PEA15: variants seen among roughly 807,000 people sequenced by gnomAD.
PEA15 encodes the protein astrocytic phosphoprotein PEA-15.
For synonymous variants in PEA15, 60 were observed against 61.8 expected, an observed-to-expected ratio of 0.97 and a Z score of 0.13; for missense variants, 77 against 161.3, an observed-to-expected ratio of 0.48 and a Z score of 2.83.
chr1:160,208,318 G>A lies in PEA15; in HGVS notation c.-3+2796G>A. Reference sequence around the variant, plus strand: ...GACCTTTGTCAGGGCTGTGCCTGGGGCCAGCTTGGAAGGAGAGGGAGGCAG... The same window carrying A: ...GACCTTTGTCAGGGCTGTGCCTGGGACCAGCTTGGAAGGAGAGGGAGGCAG... On this transcript the variant is annotated intron_variant, in intron 1 of 3. Coordinates refer to ENST00000360472, the MANE Select transcript of PEA15 (RefSeq NM_003768.5). The surrounding 1 kb of genome is among the most constrained non-coding windows in gnomAD (Gnocchi z 4.1). 2.2e-6 allele frequency: 1 copy of A among 447,786 alleles called. No homozygotes were observed. The highest frequency in any genetic ancestry group is 4.1e-6 in the Non-Finnish European group (1 of 242,918). 27.7% of individuals were successfully genotyped at this position (447,786 alleles called of 1,614,324 possible). A position where few individuals can be genotyped will look rare whatever the true frequency, so the allele number is the denominator to read the frequency against.
Position 160,213,231 on chromosome 1 carries a change from G to A in PEA15, c.294G>A (p.Lys98=), listed in dbSNP as rs776639242. 1.9e-6 allele frequency: 3 copies of A among 1,614,238 alleles called. No individual in the cohort carries two copies. The highest frequency in any genetic ancestry group is 4.5e-5 in the East Asian group (2 of 44,890). The change falls in exon 3 of 4, where the codon AAG becomes AAA. Residue 98 remains lysine (K), a synonymous_variant. Transcript: ENST00000360472. This position sits in a 1 kb window ranked among gnomAD's most constrained non-coding sequence, Gnocchi z 5.3. The part of the protein sequence containing the change: ...KISEEDELDT[K]LTRIPSAKKY... ...CTGAGGAGGATGAGCTGGACACCAAGCTAACCCGTATCCCCAGTGCCAAGA... is the reference window on the plus strand; with the variant it reads ...CTGAGGAGGATGAGCTGGACACCAAACTAACCCGTATCCCCAGTGCCAAGA...
At chr1:160,209,304 G>A (rs1654746786) in intron 1 of PEA15, among the ~76,000 whole-genome samples, 1 of 152,036 alleles carries the variant, frequency 6.6e-6, no homozygotes. Context: ...TAAGATCCGA[G>A]CACACACACA....
At chr1:160,210,823 G>A (rs1287422160) in intron 1 of PEA15, among the ~76,000 whole-genome samples, 1 of 152,198 alleles carries the variant, frequency 6.6e-6, no homozygotes, top group African/African-American at 2.4e-5. Context: ...AGCTGAGTGG[G>A]GGCCTGGTAA....
At chr1:160,212,452 G>C (rs1654915973) in intron 2 of PEA15, among the ~76,000 whole-genome samples, 3 of 152,036 alleles carry the variant, frequency 2.0e-5, no homozygotes, top group South Asian at 2.1e-4. Flanking sequence ...TGAACTCAGG[G>C]CCCTTCAGAT....
rs1375248093 is a variant in PEA15, at chr1:160,208,132, C to T, written c.-3+2610C>T. Reference sequence around the variant, plus strand: ...AATTCTTTTGGTGCTGCCACCTCCTCCACAGGTGGTTATCCCAATTGCCAG... The same window carrying T: ...AATTCTTTTGGTGCTGCCACCTCCTTCACAGGTGGTTATCCCAATTGCCAG... On this transcript the variant is annotated intron_variant, in intron 1 of 3. Coordinates refer to ENST00000360472, the MANE Select transcript of PEA15 (RefSeq NM_003768.5). The surrounding 1 kb of genome is among the most constrained non-coding windows in gnomAD (Gnocchi z 4.1). The T allele has an allele frequency of 6.4e-6, 1 of 155,128 alleles. No homozygotes were observed. Among genetic ancestry groups the T allele is most frequent in the Admixed American group, 6.5e-5 (1 of 15,486 alleles). 9.6% of individuals were successfully genotyped at this position (155,128 alleles called of 1,614,324 possible).
chr1:160,211,426 T>C (rs936117586), intron 1 of PEA15, 117 bp from the exon 2 acceptor site: 2 of 1,364,894 alleles, frequency 1.5e-6, no homozygotes, highest in African/African-American at 1.5e-5. Flanking sequence ...CCAGCCTCCA[T>C]GTTCCAGGCA....
rs1654914140 is a variant in PEA15, at chr1:160,212,417, C to G, written c.173-693C>G. Reference sequence around the variant, plus strand: ...AAGGTAAGACTGTGTTGTAGAGAGCCTGGGTATTGGATAGGTGAGGTGAGT... The same window carrying G: ...AAGGTAAGACTGTGTTGTAGAGAGCGTGGGTATTGGATAGGTGAGGTGAGT... On this transcript the variant is annotated intron_variant, in intron 2 of 3. Transcript: ENST00000360472. Among the ~76,000 whole-genome samples, 3 of 151,922 alleles carry G rather than the reference C, an allele frequency of 2.0e-5. 1 individual carries two copies. Among genetic ancestry groups the G allele is most frequent in the African/African-American group, 7.3e-5 (3 of 41,294 alleles).
At position 160,208,505 on chromosome 1, in the gene PEA15, C is replaced by A; in HGVS notation, c.-3+2983C>A. 2 of 1,103,344 alleles carry A rather than the reference C, an allele frequency of 1.8e-6. No individual in the cohort carries two copies. The highest frequency in any genetic ancestry group is 2.0e-5 in the Admixed American group (1 of 50,050). 68.3% of individuals were successfully genotyped at this position (1,103,344 alleles called of 1,614,324 possible). ...ACTGCCTGGTGATCCCTGAGCAGCT[C>A]TCTGCACTGCTCCAGAAATCAGGAG... On this transcript the variant is annotated intron_variant, in intron 1 of 3. Coordinates refer to ENST00000360472, the MANE Select transcript of PEA15 (RefSeq NM_003768.5). The surrounding 1 kb of genome is among the most constrained non-coding windows in gnomAD (Gnocchi z 4.1).
chr1:160,209,753 A>G (rs527593026), intron 1 of PEA15, among the ~76,000 whole-genome samples: 56 of 151,126 alleles, frequency 3.7e-4, no homozygotes, highest in African/African-American at 1.1e-3. Flanking sequence ...TCTTATCTCC[A>G]TCTCTAGTCC....
chr1:160,208,791 C>G lies in PEA15; in HGVS notation c.-2-2752C>G. On this transcript the variant is annotated intron_variant, in intron 1 of 3. Coordinates refer to ENST00000360472, the MANE Select transcript of PEA15 (RefSeq NM_003768.5). The surrounding 1 kb of genome is among the most constrained non-coding windows in gnomAD (Gnocchi z 4.1). ...GAAGGGAGGCAACTGGGCTGCCTTT[C>G]CTTGTACCGTCAGGGGGCCTTATTC... The G allele has an allele frequency of 1.3e-6, 1 of 772,070 alleles. No homozygotes were observed. Among genetic ancestry groups the G allele is most frequent in the South Asian group, 1.6e-5 (1 of 63,528 alleles). 47.8% of individuals were successfully genotyped at this position (772,070 alleles called of 1,614,324 possible). A position where few individuals can be genotyped will look rare whatever the true frequency, so the allele number is the denominator to read the frequency against.
Position 160,215,368 on chromosome 1 carries a change from T to G in PEA15, c.*1882T>G, listed in dbSNP as rs1164389086. On this transcript the variant is annotated 3_prime_UTR_variant, in exon 4 of 4. Coordinates refer to ENST00000360472, the MANE Select transcript of PEA15 (RefSeq NM_003768.5). The stretch of plus-strand genomic sequence containing the variant: ...CCGGAATAAAGGTGATTGATTGTAT[T>G]GCAACTAACTGATTTTAAAATTTCT... The G allele has an allele frequency of 6.6e-6, 1 of 152,198 alleles. No individual in the cohort carries two copies. The highest frequency in any genetic ancestry group is 2.4e-5 in the African/African-American group (1 of 41,440). The allele number at this position is 152,198 out of a possible 1,614,324, so 9.4% of individuals were successfully genotyped here. A position where few individuals can be genotyped will look rare whatever the true frequency, so the allele number is the denominator to read the frequency against.
rs1404716572 is a variant in PEA15 at position 160,213,132 on chromosome 1, C to T, written c.195C>T (p.His65=). The part of the protein sequence containing the change: ...LDKDNLSYIE[H]IFEISRRPDL... Reference sequence around the variant, plus strand: ...CAGACAACCTCTCCTACATTGAGCACATCTTTGAGATCTCCCGCCGTCCTG... The same window carrying T: ...CAGACAACCTCTCCTACATTGAGCATATCTTTGAGATCTCCCGCCGTCCTG... Residue 65 remains histidine, a synonymous_variant, in exon 3 of 4, where the codon CAC becomes CAT. Coordinates refer to ENST00000360472, the MANE Select transcript of PEA15 (RefSeq NM_003768.5). The surrounding 1 kb of genome is among the most constrained non-coding windows in gnomAD (Gnocchi z 5.3). 5.0e-6 allele frequency: 8 copies of T among 1,614,156 alleles called. No individual in the cohort carries two copies. Among genetic ancestry groups the T allele is most frequent in the East Asian group, 4.5e-5 (2 of 44,890 alleles).
intron 1 of PEA15, among the ~76,000 whole-genome samples, chr1:160,206,566 A>G (rs1654601802): frequency 6.6e-6 from 1 of 152,108 alleles, no homozygotes; most frequent in African/African-American, 2.4e-5. Flanking sequence ...GGTGGAAGAA[A>G]CGGAGAGGAA....
intron 1 of PEA15, among the ~76,000 whole-genome samples, chr1:160,210,996 G>A (rs1654854561): frequency 6.6e-6 from 1 of 152,186 alleles, no homozygotes; most frequent in Admixed American, 6.5e-5. Context: ...GGGGTGGTGG[G>A]GAGTTGAAGT....
intron 2 of PEA15, among the ~76,000 whole-genome samples, chr1:160,212,615 C>T (rs1363247729): frequency 6.6e-6 from 1 of 152,100 alleles, no homozygotes; most frequent in Non-Finnish European, 1.5e-5. Context: ...CCATGGACAT[C>T]GTCCTTCTGG....
rs140386197 is a variant in PEA15, at chr1:160,211,643, C to T, written c.99C>T (p.Ser33=). ...CGGCCTGCAAGGAAGACATCCCCAGCGAAAAGAGTGAGGAGATCACTACTG... is the reference window on the plus strand; with the variant it reads ...CGGCCTGCAAGGAAGACATCCCCAGTGAAAAGAGTGAGGAGATCACTACTG... ...LKSACKEDIP[S]EKSEEITTGS... Residue 33 remains serine, a synonymous_variant, in exon 2 of 4, where the codon AGC becomes AGT. Coordinates refer to ENST00000360472, the MANE Select transcript of PEA15 (RefSeq NM_003768.5). 51 of 1,613,910 alleles carry T rather than the reference C, an allele frequency of 3.2e-5. No individual in the cohort carries two copies. In the African/African-American group the frequency reaches 3.3e-4, roughly 11 times the overall value.
rs1172382579 is a variant in PEA15, at chr1:160,208,888, G to A, written c.-2-2655G>A. 1.8e-6 allele frequency: 1 copy of A among 545,350 alleles called. No individual in the cohort carries two copies. Among genetic ancestry groups the A allele is most frequent in the African/African-American group, 1.9e-5 (1 of 52,706 alleles). The allele number at this position is 545,350 out of a possible 1,614,324, so 33.8% of individuals were successfully genotyped here. Reference sequence around the variant, plus strand: ...ATCTAGTGGTGTCATCCTAACGACTGGGGGTGGGGGGCACCCAGAACTGAG... The same window carrying A: ...ATCTAGTGGTGTCATCCTAACGACTAGGGGTGGGGGGCACCCAGAACTGAG... On this transcript the variant is annotated intron_variant, in intron 1 of 3. Transcript: ENST00000360472. The surrounding 1 kb of genome is among the most constrained non-coding windows in gnomAD (Gnocchi z 4.1).
In PEA15 at chr1:160,213,368, C is replaced by T; in HGVS notation, c.329-54C>T. On this transcript the variant is annotated intron_variant, in intron 3 of 3. Transcript: ENST00000360472. This position sits in a 1 kb window ranked among gnomAD's most constrained non-coding sequence, Gnocchi z 5.3. The stretch of plus-strand genomic sequence containing the variant: ...GAGTGGAGGCAGATGCCCAATGGGC[C>T]TGCCTGGCATCTCCCACACTGCTGT... 6.2e-7 allele frequency: 1 copy of T among 1,610,864 alleles called. No individual in the cohort carries two copies. Among genetic ancestry groups the T allele is most frequent in the Non-Finnish European group, 8.5e-7 (1 of 1,177,040 alleles).
intron 1 of PEA15, among the ~76,000 whole-genome samples, chr1:160,210,299 C>G (rs958616178): frequency 5.3e-5 from 8 of 152,210 alleles, no homozygotes; most frequent in Admixed American, 5.2e-4. Flanking sequence ...GCTTGCCCAC[C>G]CCTTGGTCTA....
Sources: allele counts gnomAD v4.1 joint callset (sites outside exome capture counted in the v4.1 genomes callset), GRCh38; gene constraint gnomAD v4.1.1; non-coding constraint Gnocchi (gnomAD v3.1); transcripts MANE v1.5; gene names NCBI Gene and HGNC (gene_info 2026-07-23, HGNC 2026-07-21).